Variants in CNBD1 observed in about 807,000 individuals in gnomAD.
CNBD1 encodes the protein cyclic nucleotide binding domain containing 1, also known as cyclic nucleotide-binding domain-containing protein 1.
A neutral mutation model predicts 54.4 loss-of-function variants in CNBD1; 71 were observed. That is an observed-to-expected ratio of 1.30 (90% CI 1.08 to 1.59). The LOEUF (loss-of-function observed/expected upper bound fraction) is 1.59, where lower values mean the gene tolerates loss of function less well. Among genes scored for constraint, CNBD1 ranks in the 40% most tolerant of loss-of-function variants. The pLI, the probability that CNBD1 is intolerant of heterozygous loss-of-function variation, is 0.00. For missense variants in CNBD1, 659 were observed against 518.0 expected (o/e 1.27, Z -2.64); for synonymous variants, 182 against 170.7 (o/e 1.07, Z -0.51).
chr8:87,369,955 T>G (rs1029553073), intron 10 of CNBD1, among the ~76,000 whole-genome samples: 2 of 151,754 alleles, frequency 1.3e-5, no homozygotes, highest in African/African-American at 4.8e-5. Flanking sequence ...TCAATTCCCA[T>G]CTATGAGTGA....
chr8:86,977,850 C>T (rs1460865595), intron 4 of CNBD1, among the ~76,000 whole-genome samples: 1 of 152,042 alleles, frequency 6.6e-6, no homozygotes. Context: ...CTTTCAAAAA[C>T]TAAAGAGAAG....
intron 3 of CNBD1, among the ~76,000 whole-genome samples, chr8:86,934,127 C>G (rs1474209876): frequency 6.6e-6 from 1 of 152,106 alleles, no homozygotes; most frequent in Non-Finnish European, 1.5e-5. Context: ...TATGTCTCAG[C>G]TTAAATCCTT....
chr8:87,372,422 G>C (rs1410007676), intron 10 of CNBD1, among the ~76,000 whole-genome samples: 1 of 151,676 alleles, frequency 6.6e-6, no homozygotes, highest in South Asian at 2.1e-4. Context: ...ATTATTTCTG[G>C]TTCCTCACTG....
intron 4 of CNBD1, among the ~76,000 whole-genome samples, chr8:87,136,902 ATAAATTATATATTATATTTATATTCTATG>A (rs1812250797): frequency 2.1e-5 from 1 of 46,538 alleles, no homozygotes; most frequent in African/African-American, 1.5e-4. Context: ...TATATTATAT[ATAAATTATATATTATATTTATATTCTATG>A]TAAATTATAT....
chr8:87,386,841 T>C (rs1811200081), downstream of CNBD1, among the ~76,000 whole-genome samples: 1 of 152,106 alleles, frequency 6.6e-6, no homozygotes, highest in African/African-American at 2.4e-5. Flanking sequence ...GAAAAAATAT[T>C]CAGGGCAGCT....
chr8:87,188,809 C>A (rs1405561490), intron 4 of CNBD1, among the ~76,000 whole-genome samples: 2 of 134,762 alleles, frequency 1.5e-5, no homozygotes, highest in African/African-American at 5.4e-5. Flanking sequence ...AATGAACAGA[C>A]AGTAAAGCGT....
intron 4 of CNBD1, among the ~76,000 whole-genome samples, chr8:87,099,851 T>C (rs1390090416): frequency 6.6e-6 from 1 of 152,232 alleles, no homozygotes; most frequent in Non-Finnish European, 1.5e-5. Flanking sequence ...AGAAAGTAGC[T>C]ATAAATTTGG....
intron 4 of CNBD1, among the ~76,000 whole-genome samples, chr8:87,123,331 G>A (rs1811926183): frequency 6.6e-6 from 1 of 151,538 alleles, no homozygotes; most frequent in African/African-American, 2.4e-5. Flanking sequence ...GTGTGGCAAT[G>A]GTATGAAACT....
chr8:87,131,316 T>G (rs1321282891), intron 4 of CNBD1, among the ~76,000 whole-genome samples: 2 of 152,106 alleles, frequency 1.3e-5, no homozygotes, highest in African/African-American at 4.8e-5. Flanking sequence ...TTACTCTAAT[T>G]TATCTATTTG....
chr8:87,366,643 G>A (rs1401295331), intron 10 of CNBD1, among the ~76,000 whole-genome samples: 3 of 152,022 alleles, frequency 2.0e-5, no homozygotes, highest in African/African-American at 7.2e-5. Flanking sequence ...GTAACACCAT[G>A]GGCTGAAGGT....
chr8:87,193,321 G>A (rs887363013), intron 4 of CNBD1, among the ~76,000 whole-genome samples: 3 of 152,104 alleles, frequency 2.0e-5, no homozygotes, highest in Non-Finnish European at 4.4e-5. Flanking sequence ...TTTATGTATA[G>A]CTCCCCAAAG....
intron 4 of CNBD1, among the ~76,000 whole-genome samples, chr8:87,034,894 C>T (rs567098577): frequency 1.3e-5 from 2 of 152,160 alleles, no homozygotes; most frequent in Admixed American, 1.3e-4. Context: ...CCTTGTAATT[C>T]AGATATGTAC....
intron 10 of CNBD1, among the ~76,000 whole-genome samples, chr8:87,363,466 A>T (rs550348363): frequency 3.1e-4 from 47 of 152,278 alleles, no homozygotes; most frequent in African/African-American, 1.1e-3. Flanking sequence ...TCCCACCAAC[A>T]GTGTAAAAGT....
intron 4 of CNBD1, among the ~76,000 whole-genome samples, chr8:87,005,326 C>T (rs933037758): frequency 8.6e-5 from 13 of 151,418 alleles, no homozygotes; most frequent in South Asian, 2.1e-4. Context: ...GCTGAGATCA[C>T]GCCACTGCAC....
intron 4 of CNBD1, among the ~76,000 whole-genome samples, chr8:86,988,398 A>G (rs1808658977): frequency 6.6e-6 from 1 of 151,886 alleles, no homozygotes. Context: ...TTGTGGGTAC[A>G]TGGTGTATAT....
At chr8:87,140,211 TTC>T (rs751577787) in intron 4 of CNBD1, among the ~76,000 whole-genome samples, 363 of 147,950 alleles carry the variant, frequency 2.5e-3, no homozygotes, top group Middle Eastern at 7.0e-3. Context: ...TCTGTCTCTC[TTC>T]TCTCTCTCTC....
intron 4 of CNBD1, among the ~76,000 whole-genome samples, chr8:87,199,417 A>C (rs2130792289): frequency 6.6e-6 from 1 of 152,346 alleles, no homozygotes; most frequent in Non-Finnish European, 1.5e-5. Flanking sequence ...AAAGAAAAAC[A>C]ACACAAATTT....
intron 4 of CNBD1, among the ~76,000 whole-genome samples, chr8:87,054,594 A>T (rs1255040108): frequency 6.6e-6 from 1 of 152,218 alleles, no homozygotes; most frequent in Non-Finnish European, 1.5e-5. Flanking sequence ...TATTGCATTC[A>T]AAGAAGGAAT....
At chr8:87,300,797 T>G (rs1485478000) in intron 8 of CNBD1, among the ~76,000 whole-genome samples, 1 of 152,108 alleles carries the variant, frequency 6.6e-6, no homozygotes, top group Non-Finnish European at 1.5e-5. Context: ...AGATCTGAAT[T>G]TTTTTGTGTA....
Sources: gnomAD v4.1 joint callset for allele counts (sites outside exome capture counted in the v4.1 genomes callset) on GRCh38, gnomAD v4.1.1 for gene constraint, MANE v1.5 for transcripts, NCBI Gene and HGNC (gene_info 2026-07-23, HGNC 2026-07-21) for gene names.